Variants in TMEM231 observed in about 807,000 individuals in gnomAD.
The protein encoded by TMEM231 is transmembrane protein 231.
Under a neutral mutation model 38.5 loss-of-function variants are expected in TMEM231, and 40 were observed. The ratio of observed to expected loss-of-function variants is 1.04; its 90% confidence interval spans 0.81 to 1.35. TMEM231 has a LOEUF of 1.35. TMEM231 is among the 40% of genes most tolerant of loss of function. The pLI is 0.00. For missense variants in TMEM231, 420 were observed against 416.9 expected, an observed-to-expected ratio of 1.01 and a Z score of -0.07; for synonymous variants, 199 against 181.7, an observed-to-expected ratio of 1.10 and a Z score of -0.77.
chr16:75,551,768 C>G (rs1412468378), intron 2 of TMEM231, among the ~76,000 whole-genome samples: 1 of 151,948 alleles, frequency 6.6e-6, no homozygotes, highest in African/African-American at 2.4e-5. Flanking sequence ...TCGAGACCAG[C>G]CTGACCAACA....
chr16:75,554,226 T>C (rs1445285999), intron 2 of TMEM231, among the ~76,000 whole-genome samples: 1 of 152,156 alleles, frequency 6.6e-6, no homozygotes, highest in African/African-American at 2.4e-5. Flanking sequence ...CCTCAAAATT[T>C]GATGTTTAAA....
chr16:75,543,989 A>G (rs752429770), intron 4 of TMEM231, among the ~76,000 whole-genome samples: 9 of 152,262 alleles, frequency 5.9e-5, no homozygotes, highest in Non-Finnish European at 1.3e-4. Context: ...ATAAAATAAA[A>G]GTGAGGAATG....
chr16:75,555,777 C>T, intron 2 of TMEM231, 27 bp downstream of exon 2: 2 of 1,499,232 alleles, frequency 1.3e-6, no homozygotes, highest in Non-Finnish European at 8.9e-7. Flanking sequence ...CCCGACTCTG[C>T]CCCAGGCCCA....
At chr16:75,555,592 T>G (rs1388090842) in intron 2 of TMEM231, 2 of 506,194 alleles carry the variant, frequency 4.0e-6, no homozygotes, top group Non-Finnish European at 6.7e-6. Flanking sequence ...GCTAACTTTC[T>G]GGGGGCCGGG....
intron 2 of TMEM231, among the ~76,000 whole-genome samples, chr16:75,553,128 A>G (rs2080779612): frequency 6.6e-6 from 1 of 152,216 alleles, no homozygotes; most frequent in Non-Finnish European, 1.5e-5. Context: ...TAGCCACTGC[A>G]AAGCCACCTC....
chr16:75,539,422 C>A lies in TMEM231; in HGVS notation c.*572G>T, dbSNP rs1368803438. On this transcript the variant is annotated 3_prime_UTR_variant, in exon 7 of 7. Coordinates refer to ENST00000258173, the MANE Select transcript of TMEM231 (RefSeq NM_001077418.3). Reference sequence around the variant, plus strand: ...ACGGTCCAAGTGTCCTTCAGCGGCCCTCCCTGATTGCCTGTGCTAATGCGG... The same window carrying A: ...ACGGTCCAAGTGTCCTTCAGCGGCCATCCCTGATTGCCTGTGCTAATGCGG... The A allele has an allele frequency of 6.6e-6, 1 of 151,926 alleles. No homozygotes were observed. Among genetic ancestry groups the A allele is most frequent in the Admixed American group, 6.6e-5 (1 of 15,242 alleles). 9.4% of individuals were successfully genotyped at this position (151,926 alleles called of 1,614,324 possible).
intron 2 of TMEM231, among the ~76,000 whole-genome samples, chr16:75,551,243 G>T (rs2080757325): frequency 1.3e-5 from 2 of 152,082 alleles, no homozygotes; most frequent in East Asian, 3.9e-4. Context: ...GTCAAAAAAG[G>T]CTAGAGTGCA....
intron 2 of TMEM231, among the ~76,000 whole-genome samples, chr16:75,546,528 C>G (rs1396189322): frequency 6.6e-6 from 1 of 152,078 alleles, no homozygotes; most frequent in African/African-American, 2.4e-5. Flanking sequence ...CTACAACCTC[C>G]GCCTCCCAGG....
intron 2 of TMEM231, among the ~76,000 whole-genome samples, chr16:75,550,968 C>T (rs985059448): frequency 1.3e-5 from 2 of 152,170 alleles, no homozygotes; most frequent in African/African-American, 2.4e-5. Context: ...CCATCCGCCT[C>T]GGCCTCCCAA....
chr16:75,547,581 C>G lies in TMEM231; in HGVS notation c.310-1627G>C, dbSNP rs566417586. Among the ~76,000 whole-genome samples the G allele has an allele frequency of 1.6e-4, 25 of 151,886 alleles. No individual in the cohort carries two copies. In the South Asian group the frequency reaches 4.6e-3, roughly 28 times the overall value. On this transcript the variant is annotated intron_variant, in intron 2 of 6. Transcript: ENST00000258173. ...GGATCATGAGGTCAGAAGATCGAGA[C>G]CATCCTGGCCAACATGGTGAAACCC...
At chr16:75,552,453 AAAAC>A (rs370679042) in intron 2 of TMEM231, among the ~76,000 whole-genome samples, 10 of 152,208 alleles carry the variant, frequency 6.6e-5, no homozygotes, top group African/African-American at 1.4e-4. Context: ...ACCCTGTCTC[AAAAC>A]AAACAAACAA....
chr16:75,551,611 A>G (rs2080762441), intron 2 of TMEM231, among the ~76,000 whole-genome samples: 1 of 152,230 alleles, frequency 6.6e-6, no homozygotes, highest in Non-Finnish European at 1.5e-5. Context: ...AAAAGTTACT[A>G]AAAGAGCTTT....
At position 75,550,369 on chromosome 16, in the gene TMEM231, G is replaced by C. The variant is rs1184724637; in HGVS notation, c.310-4415C>G. Among the ~76,000 whole-genome samples the C allele has an allele frequency of 2.6e-5, 4 of 152,334 alleles. No individual in the cohort carries two copies. In the East Asian group the frequency reaches 5.8e-4, roughly 22 times the overall value. On this transcript the variant is annotated intron_variant, in intron 2 of 6. Coordinates refer to ENST00000258173, the MANE Select transcript of TMEM231 (RefSeq NM_001077418.3). ...TCCACAGTGGTTCTTCACCCTGGCA[G>C]TGGTGACTGGTTTCATTTCTTTTTT...
At chr16:75,549,082 G>A (rs144154280) in intron 2 of TMEM231, among the ~76,000 whole-genome samples, 1 of 152,084 alleles carries the variant, frequency 6.6e-6, no homozygotes, top group East Asian at 1.9e-4. Context: ...GGTGGAGAGA[G>A]GGGGGAGAGA....
intron 2 of TMEM231, among the ~76,000 whole-genome samples, chr16:75,547,552 T>C (rs1176761150): frequency 2.6e-5 from 4 of 152,044 alleles, no homozygotes; most frequent in Admixed American, 6.6e-5. Context: ...AGAGCCTGCC[T>C]TGCGGATCAT....
At position 75,540,047 on chromosome 16, in the gene TMEM231, T is replaced by C. The variant is rs768632156; in HGVS notation, c.898A>G (p.Ile300Val). 10 of 1,613,630 alleles carry C rather than the reference T, an allele frequency of 6.2e-6. No individual in the cohort carries two copies. The Admixed American group carries it at 1.0e-4, about 16-fold the overall frequency. The change falls in exon 7 of 7, where the codon ATT becomes GTT. Residue 300 changes from isoleucine to valine, a missense_variant. Ile to Val is a conservative substitution (Grantham distance 29). Coordinates refer to ENST00000258173, the MANE Select transcript of TMEM231 (RefSeq NM_001077418.3). ...CCCCGGGGCGTCACTGTCACAGGAA[T>C]GGTGGTCACCACCTGATTCTGAAAC... ...FVFQNQVVTT[I>V]PVTVTPRGDL...
chr16:75,547,957 C>T (rs893438427), intron 2 of TMEM231, among the ~76,000 whole-genome samples: 4 of 152,062 alleles, frequency 2.6e-5, no homozygotes, highest in Non-Finnish European at 5.9e-5. Context: ...AGGATAGTGG[C>T]CAGGAGACAA....
Position 75,539,822 on chromosome 16 carries a change from G to A in TMEM231, c.*172C>T, listed in dbSNP as rs2080599095. 1 of 497,702 alleles carries A rather than the reference G, an allele frequency of 2.0e-6. No individual in the cohort carries two copies. Among genetic ancestry groups the A allele is most frequent in the Non-Finnish European group, 3.5e-6 (1 of 287,520 alleles). The allele number at this position is 497,702 out of a possible 1,614,324, so 30.8% of individuals were successfully genotyped here. ...ACTAGTCCCTGACAATTCTGCAGGA[G>A]CTCTGAAGATACGGAACTGTGTAGA... On this transcript the variant is annotated 3_prime_UTR_variant, in exon 7 of 7. Transcript: ENST00000258173.
At chr16:75,543,735 C>A (rs75970895) in intron 4 of TMEM231, among the ~76,000 whole-genome samples, 1,824 of 152,194 alleles carry the variant, frequency 0.012, 44 homozygotes, top group African/African-American at 0.041. Flanking sequence ...CATATAATCC[C>A]TTAAAGGAGG....
Sources: allele counts gnomAD v4.1 joint callset (sites outside exome capture counted in the v4.1 genomes callset), GRCh38; gene constraint gnomAD v4.1.1; transcripts MANE v1.5; gene names NCBI Gene and HGNC (gene_info 2026-07-23, HGNC 2026-07-21).